TMF1: variants seen among roughly 807,000 people sequenced by gnomAD.
The protein encoded by TMF1 is TATA element modulatory factor.
A neutral mutation model predicts 126.5 loss-of-function variants in TMF1; 71 were observed. That is an observed-to-expected ratio of 0.56 (90% CI 0.46 to 0.68). The LOEUF (loss-of-function observed/expected upper bound fraction) is 0.68. Ranked by LOEUF, TMF1 falls within the 30% of genes least tolerant of loss-of-function variation. The pLI, the probability that TMF1 is intolerant of heterozygous loss-of-function variation, is 0.00. For missense variants in TMF1, 1,259 were observed against 1,253.2 expected, an observed-to-expected ratio of 1.00 and a Z score of -0.07; for synonymous variants, 461 against 430.5, an observed-to-expected ratio of 1.07 and a Z score of -0.88.
At position 69,052,160 on chromosome 3, in the gene TMF1, G is replaced by A. The variant is rs1301739269; in HGVS notation, c.-74C>T. On this transcript the variant is annotated 5_prime_UTR_variant, in exon 1 of 17. Coordinates refer to ENST00000398559, the MANE Select transcript of TMF1 (RefSeq NM_007114.3). ...CTCAGGCCTGGGGAAGGGTGCAGAG[G>A]AACGGCTTCGCTCCCCTTTTCCACT... is the stretch of plus-strand genomic sequence containing the variant. 1.4e-6 allele frequency: 2 copies of A among 1,467,398 alleles called. No homozygotes were observed. The highest frequency in any genetic ancestry group is 2.4e-5 in the East Asian group (1 of 41,330). The allele number at this position is 1,467,398 out of a possible 1,614,324, so 90.9% of individuals were successfully genotyped here. A position where few individuals can be genotyped will look rare whatever the true frequency, so the allele number is the denominator to read the frequency against.
At chr3:69,024,268 G>GTTT (rs201235194) in intron 15 of TMF1, 88 bp from the exon 16 acceptor site, 338 of 924,616 alleles carry the variant, frequency 3.7e-4, no homozygotes, top group Non-Finnish European at 4.3e-4. Flanking sequence ...TGTGTGTGTG[G>GTTT]TTTTTTTTTT....
intron 15 of TMF1, 77 bp from the exon 16 acceptor site, chr3:69,024,257 A>G: frequency 8.1e-7 from 1 of 1,233,630 alleles, no homozygotes; most frequent in East Asian, 2.7e-5. Context: ...AAAATATTTA[A>G]TGTGTGTGTG....
At position 69,030,744 on chromosome 3, in the gene TMF1, C is replaced by T. The variant is rs182903083; in HGVS notation, c.2402-737G>A. 2.0e-5 allele frequency: 3 copies of T among 152,290 alleles called. No individual in the cohort carries two copies. The East Asian group carries it at 5.8e-4, about 29-fold the overall frequency. 9.4% of individuals were successfully genotyped at this position (152,290 alleles called of 1,614,324 possible). On this transcript the variant is annotated intron_variant, in intron 10 of 16. Transcript: ENST00000398559. The stretch of plus-strand genomic sequence containing the variant: ...TTAAAATCATAATGAGATATCACTA[C>T]ATGCTGTCTGAGTAACTAAAAGAAA...
At chr3:69,028,199 G>A (rs912291569) in intron 12 of TMF1, 27 bp downstream of exon 12, 3 of 1,587,046 alleles carry the variant, frequency 1.9e-6, no homozygotes, top group Admixed American at 1.7e-5. Flanking sequence ...TATGCCCTAA[G>A]AGCTGAGTGG....
Position 69,047,775 on chromosome 3 carries a change from G to T in TMF1, c.930C>A (p.Phe310Leu). 6.2e-7 allele frequency: 1 copy of T among 1,614,006 alleles called. No individual in the cohort carries two copies. Among genetic ancestry groups the T allele is most frequent in the Non-Finnish European group, 8.5e-7 (1 of 1,180,028 alleles). The change falls in exon 2 of 17, where the codon TTC (phenylalanine) becomes TTA (leucine). Residue 310 changes from phenylalanine to leucine, a missense_variant. Physicochemically the swap from Phe to Leu is conservative, Grantham distance 22 (BLOSUM62 0). Coordinates refer to ENST00000398559, the MANE Select transcript of TMF1 (RefSeq NM_007114.3). ...ACPEYNRLDD[F>L]QKLTESCCSS... Reference sequence around the variant, plus strand: ...AACAGCAACTCTCAGTGAGTTTTTGGAAATCATCTAAACGATTATATTCAG... The same window carrying T: ...AACAGCAACTCTCAGTGAGTTTTTGTAAATCATCTAAACGATTATATTCAG...
At chr3:69,035,267 A>C in intron 8 of TMF1, 152 bp from the exon 9 acceptor site, 1 of 618,854 alleles carries the variant, frequency 1.6e-6, no homozygotes, top group Non-Finnish European at 2.8e-6. Flanking sequence ...CACATCTCTC[A>C]TTCATCAAGC....
intron 2 of TMF1, among the ~76,000 whole-genome samples, chr3:69,045,178 C>A (rs919758358): frequency 6.6e-6 from 1 of 152,182 alleles, no homozygotes; most frequent in Admixed American, 6.5e-5. Context: ...TAAAAGTAGG[C>A]CAGGCGCAGT....
chr3:69,021,494 C>G lies in TMF1; in HGVS notation c.*1683G>C, dbSNP rs1254608693. 1 of 152,454 alleles carries G rather than the reference C, an allele frequency of 6.6e-6. No homozygotes were observed. Among genetic ancestry groups the G allele is most frequent in the African/African-American group, 2.4e-5 (1 of 41,372 alleles). 9.4% of individuals were successfully genotyped at this position (152,454 alleles called of 1,614,324 possible). A position where few individuals can be genotyped will look rare whatever the true frequency, so the allele number is the denominator to read the frequency against. On this transcript the variant is annotated 3_prime_UTR_variant, in exon 17 of 17. Transcript: ENST00000398559. ...ATTAATTTTATGAATCTGGCTCACA[C>G]TGAAAGAATATTTATTAACACTACC...
chr3:69,023,225 A>T lies in TMF1; in HGVS notation c.3234T>A (p.Asn1078Lys). ...GTTCATCTATTTGAGTTTTGTACAT[A>T]TTTTTTACATCTTCGAGATCTAATC... is the stretch of plus-strand genomic sequence containing the variant. ...ELRLDLEDVK[N>K]MYKTQIDELL... The change falls in exon 17 of 17, where the codon AAT (asparagine) becomes AAA (lysine). Residue 1078 changes from asparagine to lysine, a missense_variant. By Grantham distance (94) the Asn-to-Lys change is moderately conservative. Coordinates refer to ENST00000398559, the MANE Select transcript of TMF1 (RefSeq NM_007114.3). 3 of 1,611,454 alleles carry T rather than the reference A, an allele frequency of 1.9e-6. No individual in the cohort carries two copies. The highest frequency in any genetic ancestry group is 2.5e-6 in the Non-Finnish European group (3 of 1,178,386).
At chr3:69,035,247 ATATGAT>A (rs1445677266) in intron 8 of TMF1, 132 bp from the exon 9 acceptor site, 1 of 675,892 alleles carries the variant, frequency 1.5e-6, no homozygotes, top group Non-Finnish European at 2.5e-6. Flanking sequence ...GAACTTTTAC[ATATGAT>A]TATCACATCT....
chr3:69,037,498 C>T (rs546442311), intron 8 of TMF1, among the ~76,000 whole-genome samples: 8 of 152,124 alleles, frequency 5.3e-5, no homozygotes, highest in African/African-American at 1.4e-4. Context: ...AAAAATTAGC[C>T]GGGCATGGTG....
chr3:69,051,815 G>C (rs910073287), intron 1 of TMF1, 130 bp downstream of exon 1: 66 of 1,123,978 alleles, frequency 5.9e-5, no homozygotes, highest in South Asian at 1.0e-4. Context: ...ATTAGGGAAC[G>C]GGCCGGGGAG....
intron 9 of TMF1, 25 bp downstream of exon 9, chr3:69,034,998 G>T: frequency 3.8e-6 from 6 of 1,584,146 alleles, no homozygotes; most frequent in Non-Finnish European, 5.2e-6. Flanking sequence ...TCTTGGATTT[G>T]TGTTTTGGAA....
In TMF1 at chr3:69,047,780, C is replaced by T; in HGVS notation, c.925G>A (p.Asp309Asn). The T allele has an allele frequency of 6.2e-7, 1 of 1,614,046 alleles. No homozygotes were observed. Among genetic ancestry groups the T allele is most frequent in the East Asian group, 2.2e-5 (1 of 44,860 alleles). Residue 309 changes from aspartate (D) to asparagine (N), a missense_variant, in exon 2 of 17, where the codon GAT becomes AAT. Asp to Asn is a conservative substitution (Grantham distance 23). Coordinates refer to ENST00000398559, the MANE Select transcript of TMF1 (RefSeq NM_007114.3). Reference sequence around the variant, plus strand: ...CAACTCTCAGTGAGTTTTTGGAAATCATCTAAACGATTATATTCAGGACAA... The same window carrying T: ...CAACTCTCAGTGAGTTTTTGGAAATTATCTAAACGATTATATTCAGGACAA... ...SACPEYNRLD[D>N]FQKLTESCCS...
chr3:69,050,457 A>G (rs756032574), intron 1 of TMF1, among the ~76,000 whole-genome samples: 6 of 152,166 alleles, frequency 3.9e-5, no homozygotes, highest in Non-Finnish European at 8.8e-5. Flanking sequence ...TGATTAATTT[A>G]AATACATTCA....
rs1253497481 is a variant in TMF1 at position 69,047,912 on chromosome 3, C to T, written c.793G>A (p.Glu265Lys). 6.2e-6 allele frequency: 10 copies of T among 1,613,912 alleles called. No homozygotes were observed. Among genetic ancestry groups the T allele is most frequent in the Non-Finnish European group, 8.5e-6 (10 of 1,180,032 alleles). ...TTSDIEVLDHESVISESSASS... is the reference protein window; with the variant it reads ...TTSDIEVLDHKSVISESSASS... ...GCTGAGCTCTCACTTATTACACTTT[C>T]ATGATCTAAAACTTCAATATCACTG... The change falls in exon 2 of 17, where the codon GAA (glutamate) becomes AAA (lysine). Residue 265 changes from glutamate (E) to lysine (K), a missense_variant. Physicochemically the swap from Glu to Lys is moderately conservative, Grantham distance 56 (BLOSUM62 1). Coordinates refer to ENST00000398559, the MANE Select transcript of TMF1 (RefSeq NM_007114.3).
At chr3:69,043,003 T>C (rs573083261) in intron 4 of TMF1, 91 bp from the exon 5 acceptor site, 5 of 881,676 alleles carry the variant, frequency 5.7e-6, no homozygotes, top group Admixed American at 2.4e-5. Flanking sequence ...AAGCTGTCCA[T>C]AATCACATTT....
At chr3:69,033,823 C>CAAATTA in intron 9 of TMF1, 119 bp from the exon 10 acceptor site, 1 of 961,676 alleles carries the variant, frequency 1.0e-6, no homozygotes, top group Non-Finnish European at 1.5e-6. Context: ...AAATAATTTG[C>CAAATTA]TTTTTAATTA....
chr3:69,027,776 T>G, intron 13 of TMF1, 124 bp downstream of exon 13: 1 of 526,636 alleles, frequency 1.9e-6, no homozygotes, highest in Non-Finnish European at 3.3e-6. Flanking sequence ...CTGGGCCACA[T>G]GCCAACCAGG....
Sources: allele counts gnomAD v4.1 joint callset (sites outside exome capture counted in the v4.1 genomes callset), GRCh38; gene constraint gnomAD v4.1.1; transcripts MANE v1.5; gene names NCBI Gene and HGNC (gene_info 2026-07-23, HGNC 2026-07-21).